Variants in CACNA1C observed in about 807,000 individuals in gnomAD.
The protein encoded by CACNA1C is voltage-dependent L-type calcium channel subunit alpha-1C.
CACNA1C carries 30 observed loss-of-function variants against 229.0 expected under a neutral mutation model. The ratio of observed to expected loss-of-function variants is 0.13; its 90% CI spans 0.10 to 0.18. The LOEUF is 0.18. Among genes scored for constraint, CACNA1C ranks in the 10% least tolerant of loss-of-function variants. The probability of loss-of-function intolerance (pLI) is 1.00; values close to 1 mark genes in which losing one functional copy is unlikely to be tolerated. For synonymous variants in CACNA1C, 1,114 were observed against 1,132.5 expected, an observed-to-expected ratio of 0.98 and a Z score of 0.33; for missense variants, 1,658 against 2,845.0, an observed-to-expected ratio of 0.58 and a Z score of 9.49.
chr12:2,311,900 T>G (rs554828908), intron 3 of CACNA1C, among the ~76,000 whole-genome samples: 1 of 152,202 alleles, frequency 6.6e-6, no homozygotes, highest in African/African-American at 2.4e-5. Context: ...TTAAAAATGG[T>G]TAACATAGTA....
chr12:2,476,520 G>A (rs892172201), intron 5 of CACNA1C, among the ~76,000 whole-genome samples: 10 of 152,204 alleles, frequency 6.6e-5, no homozygotes, highest in African/African-American at 2.4e-4. Context: ...CTCGGGAAAT[G>A]GTAGTTAATA....
At chr12:2,539,805 C>A (rs2099864640) in intron 9 of CACNA1C, among the ~76,000 whole-genome samples, 1 of 103,394 alleles carries the variant, frequency 9.7e-6, no homozygotes, top group Non-Finnish European at 1.9e-5. Context: ...AAGATGCAGG[C>A]AGGGTTTAAG....
chr12:2,202,110 C>T (rs900874090), intron 3 of CACNA1C, among the ~76,000 whole-genome samples: 1 of 152,220 alleles, frequency 6.6e-6, no homozygotes, highest in African/African-American at 2.4e-5. Flanking sequence ...TTTGTTTCCC[C>T]TTGCCTGAGC....
chr12:2,457,534 C>T (rs1450606751), intron 4 of CACNA1C, 33 bp from the exon 5 acceptor site: 1 of 1,595,512 alleles, frequency 6.3e-7, no homozygotes, highest in East Asian at 2.3e-5. Flanking sequence ...AAAACCCAGT[C>T]CTGACAGTCC....
intron 3 of CACNA1C, among the ~76,000 whole-genome samples, chr12:2,415,216 A>G (rs762952046): frequency 7.9e-5 from 12 of 151,986 alleles, no homozygotes; most frequent in Non-Finnish European, 1.5e-4. Context: ...TGTATTTTTA[A>G]ATGTTCCTCT....
intron 3 of CACNA1C, among the ~76,000 whole-genome samples, chr12:2,154,431 G>A (rs553202542): frequency 3.3e-5 from 5 of 152,318 alleles, no homozygotes; most frequent in South Asian, 2.1e-4. Flanking sequence ...CCCACTCATC[G>A]TGGTCGTGGC....
intron 3 of CACNA1C, among the ~76,000 whole-genome samples, chr12:2,393,848 G>A (rs965143957): frequency 2.0e-5 from 3 of 151,788 alleles, no homozygotes; most frequent in Non-Finnish European, 2.9e-5. Flanking sequence ...GCTCACTCCT[G>A]TAATTCCAGC....
chr12:2,167,951 A>G (rs930124753), intron 3 of CACNA1C, among the ~76,000 whole-genome samples: 1 of 152,158 alleles, frequency 6.6e-6, no homozygotes, highest in Non-Finnish European at 1.5e-5. Context: ...ATTTTTTGCT[A>G]AGTAATAGTT....
In CACNA1C at chr12:2,135,477, G is replaced by A. The variant is rs1298021966; in HGVS notation, c.477+15047G>A. ...TCTTTGATGATGGTGATGTACAGAT[G>A]GGTTTTTGGTGTGGATGTCCTTTCT... On this transcript the variant is annotated intron_variant, in intron 3 of 46. Coordinates refer to ENST00000399655, the MANE Select transcript of CACNA1C (RefSeq NM_000719.7). Among the ~76,000 whole-genome samples, 2 of 135,946 alleles carry A rather than the reference G, an allele frequency of 1.5e-5. 1 individual carries two copies. Among genetic ancestry groups the A allele is most frequent in the South Asian group, 4.5e-4 (2 of 4,420 alleles). The allele number at this position is 135,946 out of a possible 152,430, so 89.2% of individuals were successfully genotyped here. A position where few individuals can be genotyped will look rare whatever the true frequency, so the allele number is the denominator to read the frequency against.
At chr12:2,243,141 T>C (rs1030509713) in intron 3 of CACNA1C, among the ~76,000 whole-genome samples, 2 of 152,214 alleles carry the variant, frequency 1.3e-5, no homozygotes, top group Non-Finnish European at 2.9e-5. Flanking sequence ...TTATTACTAA[T>C]AAGTGTATGC....
chr12:2,216,035 G>A (rs1259543233), intron 3 of CACNA1C, among the ~76,000 whole-genome samples: 2 of 152,208 alleles, frequency 1.3e-5, no homozygotes, highest in African/African-American at 4.8e-5. Flanking sequence ...TGTGTCCTAG[G>A]GTGTTAGAGG....
chr12:2,081,020 A>C (rs948784491), intron 1 of CACNA1C, among the ~76,000 whole-genome samples: 1 of 152,226 alleles, frequency 6.6e-6, no homozygotes, highest in Admixed American at 6.5e-5. Context: ...TTTAGATTAT[A>C]CCAGCACACT....
In CACNA1C at chr12:2,575,262, G is replaced by C. The variant is rs946877806; in HGVS notation, c.1896-6328G>C. On this transcript the variant is annotated intron_variant, in intron 13 of 46. Coordinates refer to ENST00000399655, the MANE Select transcript of CACNA1C (RefSeq NM_000719.7). The surrounding 1 kb of genome is among the most constrained non-coding windows in gnomAD (Gnocchi z 4.0). ...CTAGAATGGACGGGAGCAGGGGCAG[G>C]TACCAGTAGAAACTGAACCGGTAGT... is the stretch of plus-strand genomic sequence containing the variant. Among the ~76,000 whole-genome samples, 11 of 152,214 alleles carry C rather than the reference G, an allele frequency of 7.2e-5. No individual in the cohort carries two copies. Among genetic ancestry groups the C allele is most frequent in the Non-Finnish European group, 1.2e-4 (8 of 68,034 alleles).
intron 3 of CACNA1C, among the ~76,000 whole-genome samples, chr12:2,251,157 A>G (rs114182484): frequency 6.6e-6 from 1 of 152,312 alleles, no homozygotes; most frequent in African/African-American, 2.4e-5. Context: ...GGAGTGGAGA[A>G]TCGTTGCTGA....
intron 5 of CACNA1C, among the ~76,000 whole-genome samples, chr12:2,470,383 G>A (rs1256039286): frequency 6.6e-6 from 1 of 152,188 alleles, no homozygotes; most frequent in Non-Finnish European, 1.5e-5. Context: ...GCTTATAAGT[G>A]ACCCAGGCTT....
intron 5 of CACNA1C, among the ~76,000 whole-genome samples, chr12:2,481,790 G>A (rs923225227): frequency 2.0e-5 from 3 of 152,194 alleles, no homozygotes; most frequent in Non-Finnish European, 2.9e-5. Flanking sequence ...CTGATGTAGG[G>A]CTAGAAAAAC....
At chr12:2,506,490 T>C (rs2099772178) in intron 8 of CACNA1C, among the ~76,000 whole-genome samples, 1 of 152,172 alleles carries the variant, frequency 6.6e-6, no homozygotes. Flanking sequence ...GATGATAGAA[T>C]AAGATCATTT....
At chr12:2,071,172 C>CCCTTCCTGCCTGCCTG (rs1555115765) in intron 1 of CACNA1C, among the ~76,000 whole-genome samples, 1 of 16,042 alleles carries the variant, frequency 6.2e-5, no homozygotes, top group African/African-American at 3.9e-4. Flanking sequence ...CTCCCTCCCT[C>CCCTTCCTGCCTGCCTG]CCTGCCTGCC....
chr12:2,318,560 C>T (rs373292366), intron 3 of CACNA1C, among the ~76,000 whole-genome samples: 2 of 152,244 alleles, frequency 1.3e-5, no homozygotes, highest in Admixed American at 6.5e-5. Flanking sequence ...GCATATGGCT[C>T]CTGCCCTCAA....
Sources: allele counts gnomAD v4.1 joint callset (sites outside exome capture counted in the v4.1 genomes callset), GRCh38; gene constraint gnomAD v4.1.1; non-coding constraint Gnocchi (gnomAD v3.1); transcripts MANE v1.5; gene names NCBI Gene and HGNC (gene_info 2026-07-23, HGNC 2026-07-21).